ZNF627: variants seen among roughly 807,000 people sequenced by gnomAD.
The protein encoded by ZNF627 is zinc finger protein 627.
ZNF627 carries 12 observed loss-of-function variants against 10.6 expected under a neutral mutation model. That is an observed-to-expected ratio of 1.13 (90% CI 0.73 to 1.84). The LOEUF (loss-of-function observed/expected upper bound fraction) is 1.84. ZNF627 is among the 40% of genes most tolerant of loss of function. ZNF627 has a pLI of 0.00. For synonymous variants in ZNF627, 176 were observed against 187.1 expected, an observed-to-expected ratio of 0.94 and a Z score of 0.48; for missense variants, 504 against 568.4, an observed-to-expected ratio of 0.89 and a Z score of 1.15.
intron 1 of ZNF627, among the ~76,000 whole-genome samples, chr19:11,603,330 G>C (rs755689733): frequency 6.3e-5 from 9 of 142,196 alleles, no homozygotes; most frequent in Non-Finnish European, 1.2e-4. Context: ...TGTAGCCCAG[G>C]CTGGAGTGCA....
At chr19:11,600,405 A>C (rs1016230678) in intron 1 of ZNF627, among the ~76,000 whole-genome samples, 3 of 152,148 alleles carry the variant, frequency 2.0e-5, no homozygotes, top group Admixed American at 1.3e-4. Context: ...GCGCCACTGC[A>C]CTGCAGCCTG....
chr19:11,607,085 C>G (rs1180427981), intron 1 of ZNF627, among the ~76,000 whole-genome samples: 1 of 152,184 alleles, frequency 6.6e-6, no homozygotes, highest in Non-Finnish European at 1.5e-5. Context: ...TCTCGTTACT[C>G]ACAAATTTCT....
intron 1 of ZNF627, among the ~76,000 whole-genome samples, chr19:11,606,140 G>T (rs1973669972): frequency 6.6e-6 from 1 of 152,070 alleles, no homozygotes; most frequent in South Asian, 2.1e-4. Context: ...AGGAGATCAA[G>T]ACCATCCTGG....
At chr19:11,598,238 G>A (rs967333086) in intron 1 of ZNF627, among the ~76,000 whole-genome samples, 14 of 152,270 alleles carry the variant, frequency 9.2e-5, no homozygotes, top group African/African-American at 3.4e-4. Context: ...TAATTTATAA[G>A]AATTTCATTT....
intron 1 of ZNF627, among the ~76,000 whole-genome samples, chr19:11,605,956 C>T (rs1973666972): frequency 6.6e-6 from 1 of 152,132 alleles, no homozygotes; most frequent in African/African-American, 2.4e-5. Context: ...TATACCCATT[C>T]CAAATGGGAG....
intron 1 of ZNF627, among the ~76,000 whole-genome samples, chr19:11,612,466 G>A (rs1973789564): frequency 8.1e-6 from 1 of 123,186 alleles, no homozygotes; most frequent in Admixed American, 1.0e-4. Flanking sequence ...CTGTCATCTA[G>A]GCTGGAGTGC....
chr19:11,608,480 C>A (rs1973712223), intron 1 of ZNF627, among the ~76,000 whole-genome samples: 1 of 152,072 alleles, frequency 6.6e-6, no homozygotes, highest in South Asian at 2.1e-4. Flanking sequence ...TAATAAATAA[C>A]AATTTTAAAG....
In ZNF627 at chr19:11,597,513, C is replaced by G; in HGVS notation, c.-115C>G. Reference sequence around the variant, plus strand: ...TGGCGACCGTCCCCACCCGGGCTCGCGTCTCCGTTTCTCCGAGAGGCCCAA... The same window carrying G: ...TGGCGACCGTCCCCACCCGGGCTCGGGTCTCCGTTTCTCCGAGAGGCCCAA... On this transcript the variant is annotated 5_prime_UTR_variant, in exon 1 of 4. Transcript: ENST00000361113. 1 of 1,143,876 alleles carries G rather than the reference C, an allele frequency of 8.7e-7. No individual in the cohort carries two copies. Among genetic ancestry groups the G allele is most frequent in the Non-Finnish European group, 1.1e-6 (1 of 887,926 alleles). The allele number at this position is 1,143,876 out of a possible 1,614,324, so 70.9% of individuals were successfully genotyped here. A position where few individuals can be genotyped will look rare whatever the true frequency, so the allele number is the denominator to read the frequency against.
At chr19:11,609,795 G>T (rs536090365) in intron 1 of ZNF627, among the ~76,000 whole-genome samples, 2 of 151,908 alleles carry the variant, frequency 1.3e-5, no homozygotes, top group Non-Finnish European at 2.9e-5. Flanking sequence ...TGAGACTGCA[G>T]GCGTGAGCCA....
intron 1 of ZNF627, among the ~76,000 whole-genome samples, chr19:11,600,115 A>C (rs1973559479): frequency 3.3e-5 from 5 of 152,100 alleles, no homozygotes; most frequent in Non-Finnish European, 7.4e-5. Flanking sequence ...ATTTCAGAAA[A>C]CATTAAATAT....
chr19:11,605,737 A>G (rs1042745719), intron 1 of ZNF627, among the ~76,000 whole-genome samples: 1 of 152,074 alleles, frequency 6.6e-6, no homozygotes, highest in Non-Finnish European at 1.5e-5. Flanking sequence ...AAACCATATC[A>G]TTCCACCCCC....
intron 1 of ZNF627, among the ~76,000 whole-genome samples, chr19:11,609,427 G>A (rs1973726544): frequency 8.7e-6 from 1 of 114,882 alleles, no homozygotes; most frequent in Non-Finnish European, 1.9e-5. Flanking sequence ...GTTGTGCTTT[G>A]CATCTTCCAG....
chr19:11,607,733 C>G (rs1344902116), intron 1 of ZNF627, among the ~76,000 whole-genome samples: 1 of 152,154 alleles, frequency 6.6e-6, no homozygotes, highest in Non-Finnish European at 1.5e-5. Flanking sequence ...TCAGAGCTAT[C>G]CAAGGAGTCT....
Position 11,597,570 on chromosome 19 carries a change from G to C in ZNF627, c.-58G>C. ...TCCGCCGCAGCCTCTGTCGCGCCGT[G>C]ACCTGTACAGGTCGCGGGAGTCGTA... On this transcript the variant is annotated 5_prime_UTR_variant, in exon 1 of 4. Coordinates refer to ENST00000361113, the MANE Select transcript of ZNF627 (RefSeq NM_145295.4). The C allele has an allele frequency of 7.6e-7, 1 of 1,316,054 alleles. No homozygotes were observed. The highest frequency in any genetic ancestry group is 3.0e-5 in the South Asian group (1 of 33,668). The allele number at this position is 1,316,054 out of a possible 1,614,324, so 81.5% of individuals were successfully genotyped here.
Position 11,617,749 on chromosome 19 carries a change from G to C in ZNF627, c.1246G>C (p.Glu416Gln), listed in dbSNP as rs1030831047. Residue 416 changes from glutamate to glutamine, a missense_variant, in exon 4 of 4, where the codon GAG (glutamate) becomes CAG (glutamine). Coordinates refer to ENST00000361113, the MANE Select transcript of ZNF627 (RefSeq NM_145295.4). ...AATCCATGAAAGAACTCACACTGGA[G>C]AGAAACCCTATGAATGTAAGCAATG... The part of the protein sequence containing the change: ...FRIHERTHTG[E>Q]KPYECKQCGK... The C allele has an allele frequency of 1.9e-6, 3 of 1,613,574 alleles. No homozygotes were observed. Among genetic ancestry groups the C allele is most frequent in the Non-Finnish European group, 1.7e-6 (2 of 1,179,906 alleles).
chr19:11,608,984 G>C (rs1388431139), intron 1 of ZNF627, among the ~76,000 whole-genome samples: 1 of 152,084 alleles, frequency 6.6e-6, no homozygotes, highest in Non-Finnish European at 1.5e-5. Context: ...CCATCCTCCT[G>C]CCTCAGCCTC....
At chr19:11,609,678 C>T (rs371242061) in intron 1 of ZNF627, among the ~76,000 whole-genome samples, 5 of 151,394 alleles carry the variant, frequency 3.3e-5, no homozygotes, top group African/African-American at 7.3e-5. Flanking sequence ...CCACCATGCC[C>T]GGCTAATGTT....
intron 1 of ZNF627, among the ~76,000 whole-genome samples, chr19:11,609,626 T>A (rs1206250678): frequency 1.3e-5 from 2 of 150,230 alleles, no homozygotes; most frequent in Non-Finnish European, 3.0e-5. Flanking sequence ...CAAGCAATTC[T>A]CCTGCCTCAG....
In ZNF627 at chr19:11,617,576, C is replaced by A. The variant is rs765087470; in HGVS notation, c.1073C>A (p.Thr358Asn). The A allele has an allele frequency of 1.2e-6, 2 of 1,613,948 alleles. No individual in the cohort carries two copies. Among genetic ancestry groups the A allele is most frequent in the Non-Finnish European group, 1.7e-6 (2 of 1,179,988 alleles). Residue 358 changes from threonine to asparagine, a missense_variant, in exon 4 of 4, where the codon ACT becomes AAT. Physicochemically the swap from Thr to Asn is moderately conservative, Grantham distance 65 (BLOSUM62 0). Transcript: ENST00000361113. The part of the protein sequence containing the change: ...SSFRIHERTH[T>N]GEKPYDCKQC... Reference sequence around the variant, plus strand: ...TTTCGAATCCATGAAAGGACCCACACTGGAGAGAAACCCTATGATTGTAAG... The same window carrying A: ...TTTCGAATCCATGAAAGGACCCACAATGGAGAGAAACCCTATGATTGTAAG...
Sources: allele counts gnomAD v4.1 joint callset (sites outside exome capture counted in the v4.1 genomes callset), GRCh38; gene constraint gnomAD v4.1.1; transcripts MANE v1.5; gene names NCBI Gene and HGNC (gene_info 2026-07-23, HGNC 2026-07-21).